DUSP8: variants seen among roughly 807,000 people sequenced by gnomAD.
DUSP8 encodes dual specificity phosphatase 8, also known as dual specificity protein phosphatase 8.
DUSP8 carries 15 observed loss-of-function variants against 38.7 expected under a neutral mutation model. That is an observed-to-expected ratio of 0.39 (90% CI 0.26 to 0.60). DUSP8 has a LOEUF of 0.60. Among genes scored for constraint, DUSP8 ranks in the 20% least tolerant of loss-of-function variants. DUSP8 has a pLI of 0.56. For missense variants in DUSP8, 768 were observed against 915.0 expected (o/e 0.84, Z 2.07); for synonymous variants, 458 against 433.9 (o/e 1.06, Z -0.69).
intron 2 of DUSP8, among the ~76,000 whole-genome samples, 160 bp from the exon 3 acceptor site, chr11:1,564,149 C>A (rs1424661217): frequency 6.6e-6 from 1 of 152,238 alleles, no homozygotes; most frequent in Non-Finnish European, 1.5e-5. Context: ...TGCAGTCACA[C>A]ACTCTCCTCC....
chr11:1,562,255 G>A (rs1001693319), intron 3 of DUSP8, among the ~76,000 whole-genome samples: 2 of 152,306 alleles, frequency 1.3e-5, no homozygotes, highest in African/African-American at 4.8e-5. Context: ...GGACTTTCCT[G>A]GGATCTGCCT....
upstream of DUSP8, chr11:1,572,654 C>G (rs1848927138): frequency 6.6e-6 from 1 of 151,960 alleles, no homozygotes; most frequent in South Asian, 2.1e-4. This position sits in a 1 kb window ranked among gnomAD's most constrained non-coding sequence, Gnocchi z 4.7. Context: ...GCGCGAAGTC[C>G]TCCCCCCGAC....
intron 3 of DUSP8, among the ~76,000 whole-genome samples, chr11:1,559,657 G>A (rs1210436707): frequency 6.6e-6 from 1 of 152,198 alleles, no homozygotes; most frequent in Admixed American, 6.5e-5. Context: ...CACAGCCCTC[G>A]GGGCATTTGC....
chr11:1,564,896 C>T (rs1848778398), intron 2 of DUSP8, among the ~76,000 whole-genome samples: 1 of 152,220 alleles, frequency 6.6e-6, no homozygotes, highest in Non-Finnish European at 1.5e-5. Flanking sequence ...CTCTCAAAGC[C>T]TCCAGGGCCA....
chr11:1,559,900 C>A (rs1298584367), intron 3 of DUSP8, among the ~76,000 whole-genome samples: 1 of 152,212 alleles, frequency 6.6e-6, no homozygotes, highest in Non-Finnish European at 1.5e-5. Flanking sequence ...GACTCAGTGA[C>A]CATGGGTAGT....
intron 3 of DUSP8, among the ~76,000 whole-genome samples, chr11:1,562,788 C>T (rs1848743102): frequency 1.3e-5 from 2 of 152,204 alleles, no homozygotes; most frequent in Non-Finnish European, 2.9e-5. Flanking sequence ...GACGCACAGA[C>T]ACCCTCTGAC....
chr11:1,565,828 GTGGGGCAA>G lies in DUSP8; in HGVS notation c.-10_-3del. 1 of 1,604,296 alleles carries G rather than the reference GTGGGGCAA, an allele frequency of 6.2e-7. No individual in the cohort carries two copies. The highest frequency in any genetic ancestry group is 8.5e-7 in the Non-Finnish European group (1 of 1,174,294). On this transcript the variant is annotated 5_prime_UTR_variant, in exon 2 of 7. Transcript: ENST00000397374. Reference sequence around the variant, plus strand: ...CCTCGGGAGCCGGTCCCCAGCCATGGTGGGGCAATGGGTGCTGGGGAGGGTGACCCCTG... The same window carrying G: ...CCTCGGGAGCCGGTCCCCAGCCATGGTGGGTGCTGGGGAGGGTGACCCCTG...
In DUSP8 at chr11:1,556,460, T is replaced by C. The variant is rs1848624801; in HGVS notation, c.*58A>G. The C allele has an allele frequency of 1.5e-5, 19 of 1,231,068 alleles. No individual in the cohort carries two copies. Among genetic ancestry groups the C allele is most frequent in the Non-Finnish European group, 1.9e-5 (19 of 987,150 alleles). 76.3% of individuals were successfully genotyped at this position (1,231,068 alleles called of 1,614,324 possible). The stretch of plus-strand genomic sequence containing the variant: ...CATTTACCTTTCTTTGCATTATATA[T>C]AATATACATTTATAACGGGCCTGGC... On this transcript the variant is annotated 3_prime_UTR_variant, in exon 7 of 7. Coordinates refer to ENST00000397374, the MANE Select transcript of DUSP8 (RefSeq NM_004420.3). This position sits in a 1 kb window ranked among gnomAD's most constrained non-coding sequence, Gnocchi z 5.2.
rs556837017 is a variant in DUSP8 at position 1,564,021 on chromosome 11, G to A, written c.232-32C>T. On this transcript the variant is annotated intron_variant, in intron 2 of 6. Transcript: ENST00000397374. ...GCCATGGGGCAGAGATCAGCATGCC[G>A]CCTCCACCTATCGATGCCCTGGCCC... 11 of 1,416,424 alleles carry A rather than the reference G, an allele frequency of 7.8e-6. No individual in the cohort carries two copies. In the East Asian group the frequency reaches 8.4e-5, roughly 11 times the overall value. The allele number at this position is 1,416,424 out of a possible 1,614,324, so 87.7% of individuals were successfully genotyped here.
chr11:1,554,663 G>T lies in DUSP8; in HGVS notation c.*1855C>A. 12 of 985,686 alleles carry T rather than the reference G, an allele frequency of 1.2e-5. No individual in the cohort carries two copies. The highest frequency in any genetic ancestry group is 1.4e-5 in the Non-Finnish European group (12 of 828,148). 61.1% of individuals were successfully genotyped at this position (985,686 alleles called of 1,614,324 possible). On this transcript the variant is annotated 3_prime_UTR_variant, in exon 7 of 7. Transcript: ENST00000397374. The stretch of plus-strand genomic sequence containing the variant: ...GGGAAGGGAGAAGGGGGCCCAACCA[G>T]TGGCCCCAGACCACTGTCTCCCGGA...
intron 3 of DUSP8, among the ~76,000 whole-genome samples, chr11:1,562,352 G>A (rs576985453): frequency 3.9e-5 from 6 of 152,242 alleles, no homozygotes; most frequent in Admixed American, 1.3e-4. Flanking sequence ...CAGCAAACTG[G>A]CCTTTGGGAG....
In DUSP8 at chr11:1,557,251, TC is replaced by T; in HGVS notation, c.1144del (p.Asp382ThrfsTer93). ...QGLRGLHLSS[D>X]RLQDTNRLKR... ...GAGGCGGTTAGTGTCCTGCAGGCGG[TC>T]CGAGGAGAGGTGCAGGCCGCGCAGG... On this transcript the variant is annotated frameshift_variant, in exon 7 of 7. Coordinates refer to ENST00000397374, the MANE Select transcript of DUSP8 (RefSeq NM_004420.3). LOFTEE classifies it high-confidence loss of function. The surrounding 1 kb of genome is among the most constrained non-coding windows in gnomAD (Gnocchi z 9.9). 1 of 1,493,242 alleles carries T rather than the reference TC, an allele frequency of 6.7e-7. No homozygotes were observed. Among genetic ancestry groups the T allele is most frequent in the Admixed American group, 2.3e-5 (1 of 44,034 alleles). 92.5% of individuals were successfully genotyped at this position (1,493,242 alleles called of 1,614,324 possible).
At position 1,554,636 on chromosome 11, in the gene DUSP8, G is replaced by A; in HGVS notation, c.*1882C>T. ...CGGCCTGCAGAAGGGACAAGGGGAA[G>A]GGGGAAGGGAGAAGGGGGCCCAACC... On this transcript the variant is annotated 3_prime_UTR_variant, in exon 7 of 7. Transcript: ENST00000397374. The A allele has an allele frequency of 1.0e-6, 1 of 987,220 alleles. No homozygotes were observed. The highest frequency in any genetic ancestry group is 1.2e-6 in the Non-Finnish European group (1 of 829,536). 61.2% of individuals were successfully genotyped at this position (987,220 alleles called of 1,614,324 possible). A position where few individuals can be genotyped will look rare whatever the true frequency, so the allele number is the denominator to read the frequency against.
chr11:1,562,031 G>A (rs558929423), intron 3 of DUSP8, among the ~76,000 whole-genome samples: 2 of 152,362 alleles, frequency 1.3e-5, no homozygotes, highest in South Asian at 4.1e-4. Flanking sequence ...CAGGGCAGAT[G>A]TCAGCACAGA....
chr11:1,571,869 C>T (rs1217731566), intron 1 of DUSP8, 32 bp downstream of exon 1: 1 of 143,678 alleles, frequency 7.0e-6, no homozygotes, highest in Non-Finnish European at 1.5e-5. Context: ...ATCCCCGGCG[C>T]CCGCCCCCGC....
rs570857789 is a variant in DUSP8 at position 1,556,533 on chromosome 11, G to C, written c.1863C>G (p.Val621=). 4.7e-4 allele frequency: 622 copies of C among 1,334,548 alleles called. 1 individual carries two copies. Among genetic ancestry groups the C allele is most frequent in the Non-Finnish European group, 1.6e-4 (168 of 1,039,504 alleles). 82.7% of individuals were successfully genotyped at this position (1,334,548 alleles called of 1,614,324 possible). Residue 621 remains valine (V), a synonymous_variant, in exon 7 of 7, where the codon GTC becomes GTG. Transcript: ENST00000397374. The surrounding 1 kb of genome is among the most constrained non-coding windows in gnomAD (Gnocchi z 5.2). The part of the protein sequence containing the change: ...KQASFSGSVE[V]IEVS ...AGCGGAGGGGTCAGGACACCTCGATGACCTCCACGCTGCCCGAGAAGCTCG... is the reference window on the plus strand; with the variant it reads ...AGCGGAGGGGTCAGGACACCTCGATCACCTCCACGCTGCCCGAGAAGCTCG...
In DUSP8 at chr11:1,556,377, C is replaced by G; in HGVS notation, c.*141G>C. 1.8e-6 allele frequency: 2 copies of G among 1,132,950 alleles called. No homozygotes were observed. Among genetic ancestry groups the G allele is most frequent in the Admixed American group, 4.3e-5 (1 of 23,514 alleles). 70.2% of individuals were successfully genotyped at this position (1,132,950 alleles called of 1,614,324 possible). ...GTTGCCAAATCATTGCCAGAATGAA[C>G]AGCTTAAATAAATAAAAAATCGAAA... is the stretch of plus-strand genomic sequence containing the variant. On this transcript the variant is annotated 3_prime_UTR_variant, in exon 7 of 7. Transcript: ENST00000397374. The surrounding 1 kb of genome is among the most constrained non-coding windows in gnomAD (Gnocchi z 5.2).
rs371465508 is a variant in DUSP8 at position 1,569,153 on chromosome 11, T to C, written c.-109+2748A>G. On this transcript the variant is annotated intron_variant, in intron 1 of 6. Coordinates refer to ENST00000397374, the MANE Select transcript of DUSP8 (RefSeq NM_004420.3). Reference sequence around the variant, plus strand: ...CCTGTGGCCCTGCTATTCCAGTGCCTAGGGGTTGGGGGGTGAGAGGCAGGG... The same window carrying C: ...CCTGTGGCCCTGCTATTCCAGTGCCCAGGGGTTGGGGGGTGAGAGGCAGGG... Among the ~76,000 whole-genome samples the C allele has an allele frequency of 4.6e-5, 7 of 152,100 alleles. No homozygotes were observed. The South Asian group carries it at 1.4e-3, about 32-fold the overall frequency.
At chr11:1,560,393 G>T (rs2055696875) in intron 3 of DUSP8, among the ~76,000 whole-genome samples, 1 of 152,182 alleles carries the variant, frequency 6.6e-6, no homozygotes, top group South Asian at 2.1e-4. Context: ...CCCCTGCTGG[G>T]TGGAGTAGAG....
Sources: allele counts gnomAD v4.1 joint callset (sites outside exome capture counted in the v4.1 genomes callset), GRCh38; gene constraint gnomAD v4.1.1; non-coding constraint Gnocchi (gnomAD v3.1); transcripts MANE v1.5; gene names NCBI Gene and HGNC (gene_info 2026-07-23, HGNC 2026-07-21).